The following CCDC149 variants were observed in gnomAD, a reference collection of about 807,000 sequenced individuals.
The protein encoded by CCDC149 is coiled-coil domain containing 149, also known as coiled-coil domain-containing protein 149.
A neutral mutation model predicts 59.9 loss-of-function variants in CCDC149; 45 were observed. The ratio of observed to expected loss-of-function variants is 0.75; its 90% CI spans 0.59 to 0.96. CCDC149 has a LOEUF of 0.96. CCDC149 is among the 40% of genes least tolerant of loss of function. The pLI is 0.00. For synonymous variants in CCDC149, 245 were observed against 260.6 expected (o/e 0.94, Z 0.58); for missense variants, 584 against 664.7 (o/e 0.88, Z 1.33).
rs114135950 is a variant in CCDC149, at chr4:24,850,203, C to T, written c.372+2869G>A. 2.0e-3 allele frequency among the ~76,000 whole-genome samples: 301 copies of T among 152,096 alleles called. 3 individuals are homozygous for T. Among genetic ancestry groups the T allele is most frequent in the African/African-American group, 6.6e-3 (274 of 41,480 alleles). On this transcript the variant is annotated intron_variant, in intron 4 of 12. Coordinates refer to ENST00000635206, the MANE Select transcript of CCDC149 (RefSeq NM_001330643.2). ...TTTTGTTCCCTTTATTCATTCATTT[C>T]ATTCATTCATTTATTCCATTCCATT... is the stretch of plus-strand genomic sequence containing the variant.
rs575380565 is a variant in CCDC149 at position 24,824,393 on chromosome 4, C to T, written c.966-1820G>A. Among the ~76,000 whole-genome samples the T allele has an allele frequency of 2.6e-5, 4 of 152,278 alleles. No individual in the cohort carries two copies. In the East Asian group the frequency reaches 7.7e-4, roughly 29 times the overall value. On this transcript the variant is annotated intron_variant, in intron 9 of 12. Transcript: ENST00000635206. ...AGTAGAAATAATAACAATAGTACCA[C>T]CAACAACAATAGCAACTGCATTACT...
chr4:24,875,400 G>C (rs907616316), intron 2 of CCDC149, among the ~76,000 whole-genome samples: 5 of 151,700 alleles, frequency 3.3e-5, no homozygotes. Context: ...GGATGAGTTA[G>C]ATCTGTAGGC....
intron 1 of CCDC149, among the ~76,000 whole-genome samples, chr4:24,932,143 T>A (rs58994158): frequency 1.1e-4 from 16 of 151,794 alleles, no homozygotes; most frequent in Non-Finnish European, 2.1e-4. Flanking sequence ...TTTAACTTCC[T>A]TGTTAGCAAA....
intron 1 of CCDC149, among the ~76,000 whole-genome samples, chr4:24,951,172 A>T (rs1270636866): frequency 6.6e-6 from 1 of 152,206 alleles, no homozygotes; most frequent in African/African-American, 2.4e-5. Flanking sequence ...CAAGTGACAG[A>T]TCCCATGCAT....
intron 2 of CCDC149, among the ~76,000 whole-genome samples, chr4:24,875,046 T>C (rs1373056259): frequency 2.6e-5 from 4 of 152,190 alleles, no homozygotes; most frequent in Non-Finnish European, 5.9e-5. Context: ...CGGTGGCTCA[T>C]GCCTGTAATC....
chr4:24,971,610 T>C (rs1278860883), intron 1 of CCDC149, among the ~76,000 whole-genome samples: 2 of 152,230 alleles, frequency 1.3e-5, no homozygotes, highest in Non-Finnish European at 2.9e-5. Context: ...TACAGCCATG[T>C]AGAAGCTGTC....
At chr4:24,906,370 A>ATTTTTTTATTTTATTTTATTTTATTTT (rs1489184093) in intron 1 of CCDC149, among the ~76,000 whole-genome samples, 22 of 40,884 alleles carry the variant, frequency 5.4e-4, no homozygotes, top group African/African-American at 1.2e-3. Context: ...AACAAATTTT[A>ATTTTTTTATTTTATTTTATTTTATTTT]TTTTATTTTA....
chr4:24,967,248 C>T (rs1375332386), intron 1 of CCDC149, among the ~76,000 whole-genome samples: 1 of 152,154 alleles, frequency 6.6e-6, no homozygotes, highest in Non-Finnish European at 1.5e-5. Context: ...CGATGGGTTA[C>T]TTCCACCCAT....
intron 1 of CCDC149, among the ~76,000 whole-genome samples, chr4:24,940,553 CT>C (rs1722923046): frequency 6.6e-6 from 1 of 151,930 alleles, no homozygotes; most frequent in Non-Finnish European, 1.5e-5. Flanking sequence ...CAATATTAAC[CT>C]TAAATGTAAA....
chr4:24,958,430 A>G (rs528351660), intron 1 of CCDC149, among the ~76,000 whole-genome samples: 1 of 152,302 alleles, frequency 6.6e-6, no homozygotes, highest in Non-Finnish European at 1.5e-5. Flanking sequence ...GGGATCCTAC[A>G]TTACATTTCT....
intron 1 of CCDC149, among the ~76,000 whole-genome samples, chr4:24,939,659 C>T (rs1034763789): frequency 3.3e-5 from 5 of 152,102 alleles, no homozygotes; most frequent in African/African-American, 4.8e-5. Context: ...AAAAAATAGA[C>T]GAATGGATAA....
At chr4:24,855,224 G>A (rs1717923368) in intron 3 of CCDC149, among the ~76,000 whole-genome samples, 2 of 152,126 alleles carry the variant, frequency 1.3e-5, no homozygotes, top group African/African-American at 2.4e-5. Context: ...TAATAAGAGT[G>A]TACCAAGACT....
intron 1 of CCDC149, among the ~76,000 whole-genome samples, chr4:24,966,147 G>C (rs1723789988): frequency 6.6e-6 from 1 of 152,158 alleles, no homozygotes. Flanking sequence ...TTGCAGGTGA[G>C]TACGTGGTTG....
At chr4:24,927,254 G>A (rs1722455997) in intron 1 of CCDC149, among the ~76,000 whole-genome samples, 1 of 152,204 alleles carries the variant, frequency 6.6e-6, no homozygotes, top group African/African-American at 2.4e-5. Flanking sequence ...TGTGTTTATG[G>A]CCAGACCCCT....
Position 24,976,260 on chromosome 4 carries a change from A to G in CCDC149, c.-65+3809T>C, listed in dbSNP as rs979345079. 2.6e-5 allele frequency among the ~76,000 whole-genome samples: 4 copies of G among 152,222 alleles called. No individual in the cohort carries two copies. The East Asian group carries it at 7.7e-4, about 29-fold the overall frequency. ...TAATTCCAGGGTCCATTTATCAAGG[A>G]AAGCAACATGGAGCACAGGCAGAGT... is the stretch of plus-strand genomic sequence containing the variant. On this transcript the variant is annotated intron_variant, in intron 1 of 12. Transcript: ENST00000389609.
At chr4:24,885,474 G>A (rs951034558) in intron 1 of CCDC149, among the ~76,000 whole-genome samples, 2 of 152,116 alleles carry the variant, frequency 1.3e-5, no homozygotes, top group African/African-American at 2.4e-5. Context: ...CTGTGATCAC[G>A]GTGTCTAATG....
At chr4:24,943,933 C>A (rs1273044054) in intron 1 of CCDC149, among the ~76,000 whole-genome samples, 1 of 152,146 alleles carries the variant, frequency 6.6e-6, no homozygotes, top group Non-Finnish European at 1.5e-5. Context: ...GAAATAGGAA[C>A]ACTTTTACAC....
At chr4:24,911,052 A>G (rs1191645875) in intron 1 of CCDC149, among the ~76,000 whole-genome samples, 1 of 152,194 alleles carries the variant, frequency 6.6e-6, no homozygotes, top group Non-Finnish European at 1.5e-5. Context: ...GATGGGCAGG[A>G]AAACTCCTGA....
intron 9 of CCDC149, among the ~76,000 whole-genome samples, chr4:24,826,579 C>A (rs993750246): frequency 1.3e-5 from 2 of 152,040 alleles, no homozygotes; most frequent in African/African-American, 2.4e-5. Context: ...CCAGAGGATG[C>A]GAAGTCAGAA....
Sources: gnomAD v4.1 joint callset for allele counts (sites outside exome capture counted in the v4.1 genomes callset) on GRCh38, gnomAD v4.1.1 for gene constraint, MANE v1.5 for transcripts, NCBI Gene and HGNC (gene_info 2026-07-23, HGNC 2026-07-21) for gene names.